The following WDR33 variants were observed in gnomAD, a reference collection of about 807,000 sequenced individuals.
The protein encoded by WDR33 is pre-mRNA 3' end processing protein WDR33.
A neutral mutation model predicts 164.9 loss-of-function variants in WDR33; 47 were observed. That is an observed-to-expected ratio of 0.29 (90% CI 0.23 to 0.36). The LOEUF is 0.36. Ranked by LOEUF, WDR33 falls within the 10% of genes least tolerant of loss-of-function variation. WDR33 has a pLI of 1.00. For missense variants in WDR33, 1,137 were observed against 1,754.1 expected (o/e 0.65, Z 6.28); for synonymous variants, 505 against 589.0 (o/e 0.86, Z 2.06).
At chr2:127,796,207 G>C (rs1023973192) in intron 1 of WDR33, among the ~76,000 whole-genome samples, 2 of 151,742 alleles carry the variant, frequency 1.3e-5, no homozygotes, top group African/African-American at 4.9e-5. Flanking sequence ...GAGTAGCTGG[G>C]ACTATACAGC....
chr2:127,717,650 T>C lies in WDR33; in HGVS notation c.2761-387A>G, dbSNP rs2105378395. Among the ~76,000 whole-genome samples the C allele has an allele frequency of 6.6e-6, 1 of 152,346 alleles. No individual in the cohort carries two copies. Among genetic ancestry groups the C allele is most frequent in the Middle Eastern group, 3.4e-3 (1 of 294 alleles). ...ATATGAGAAATAAGAGCACAGATTT[T>C]CATCAGGCAACTTCTGAGATCTGAA... On this transcript the variant is annotated intron_variant, in intron 16 of 21. Transcript: ENST00000322313. The surrounding 1 kb of genome is among the most constrained non-coding windows in gnomAD (Gnocchi z 5.6).
At chr2:127,767,498 G>A (rs547585104) in intron 4 of WDR33, among the ~76,000 whole-genome samples, 1 of 152,166 alleles carries the variant, frequency 6.6e-6, no homozygotes, top group East Asian at 1.9e-4. Flanking sequence ...CAGATCACGA[G>A]GTCAAGAGAT....
At chr2:127,734,641 GGT>G (rs1686794789) in intron 7 of WDR33, among the ~76,000 whole-genome samples, 1 of 152,004 alleles carries the variant, frequency 6.6e-6, no homozygotes, top group Non-Finnish European at 1.5e-5. Flanking sequence ...TCCTGTTATT[GGT>G]GCTCAACCTC....
intron 1 of WDR33, among the ~76,000 whole-genome samples, chr2:127,801,700 TG>T (rs1288544676): frequency 6.6e-6 from 1 of 152,076 alleles, no homozygotes; most frequent in Non-Finnish European, 1.5e-5. Context: ...CTAGCCAACA[TG>T]GTGAAATCCC....
Position 127,712,402 on chromosome 2 carries a change from A to AG in WDR33, c.3308+1180_3308+1181insC, listed in dbSNP as rs1273262275. Among the ~76,000 whole-genome samples the AG allele has an allele frequency of 2.1e-5, 3 of 140,992 alleles. No individual in the cohort carries two copies. Among genetic ancestry groups the AG allele is most frequent in the African/African-American group, 7.5e-5 (3 of 40,154 alleles). The allele number at this position is 140,992 out of a possible 152,430, so 92.5% of individuals were successfully genotyped here. A position where few individuals can be genotyped will look rare whatever the true frequency, so the allele number is the denominator to read the frequency against. ...AGAGCAAGACTCCGTCTCAAGAAGA[A>AG]AAAAAAAAAAAAAGAAATGGGATGA... On this transcript the variant is annotated intron_variant, in intron 18 of 21. Transcript: ENST00000322313. This position sits in a 1 kb window ranked among gnomAD's most constrained non-coding sequence, Gnocchi z 4.0.
intron 5 of WDR33, 62 bp downstream of exon 5, chr2:127,765,112 A>C (rs1687784784): frequency 1.9e-6 from 3 of 1,564,518 alleles, no homozygotes; most frequent in Non-Finnish European, 2.6e-6. Context: ...CAATGAAATG[A>C]CTATATCTCA....
Position 127,726,366 on chromosome 2 carries a change from C to T in WDR33, c.851+285G>A, listed in dbSNP as rs1686573158. 6.6e-6 allele frequency among the ~76,000 whole-genome samples: 1 copy of T among 152,138 alleles called. No homozygotes were observed. Among genetic ancestry groups the T allele is most frequent in the Admixed American group, 6.6e-5 (1 of 15,260 alleles). On this transcript the variant is annotated intron_variant, in intron 8 of 21. Coordinates refer to ENST00000322313, the MANE Select transcript of WDR33 (RefSeq NM_018383.5). The surrounding 1 kb of genome is among the most constrained non-coding windows in gnomAD (Gnocchi z 4.8). ...TGCCACAAGGTATTCTGATGACAGG[C>T]AATAGGCTAGAATAGTAACCACCTC...
chr2:127,755,256 C>A (rs1429340103), intron 7 of WDR33, among the ~76,000 whole-genome samples: 1 of 152,162 alleles, frequency 6.6e-6, no homozygotes, highest in African/African-American at 2.4e-5. Flanking sequence ...TTTGAATCAG[C>A]TATAAATTAC....
rs1175087669 is a variant in WDR33 at position 127,788,153 on chromosome 2, G to T, written c.-23-17149C>A. 3.1e-5 allele frequency among the ~76,000 whole-genome samples: 3 copies of T among 98,132 alleles called. No individual in the cohort carries two copies. In the East Asian group the frequency reaches 9.8e-4, roughly 32 times the overall value. 64.4% of individuals were successfully genotyped at this position (98,132 alleles called of 152,430 possible). On this transcript the variant is annotated intron_variant, in intron 1 of 21. Transcript: ENST00000322313. ...TTCCCAGTAGGGGCGGCCGGGCAGA[G>T]GCGCCCCTCACCTCCCAGACGGGGC...
intron 7 of WDR33, chr2:127,762,788 A>G: frequency 4.7e-5 from 56 of 1,198,408 alleles, no homozygotes; most frequent in Non-Finnish European, 5.8e-5. Flanking sequence ...AAAGGAATAC[A>G]GCCCTAAAAG....
Position 127,801,634 on chromosome 2 carries a change from G to T in WDR33, c.-24+9378C>A, listed in dbSNP as rs188334894. Among the ~76,000 whole-genome samples the T allele has an allele frequency of 3.9e-5, 6 of 152,098 alleles. No homozygotes were observed. The East Asian group carries it at 7.7e-4, about 20-fold the overall frequency. On this transcript the variant is annotated intron_variant, in intron 1 of 21. Coordinates refer to ENST00000322313, the MANE Select transcript of WDR33 (RefSeq NM_018383.5). The stretch of plus-strand genomic sequence containing the variant: ...GGTGCAGTGGTTCATGCCTATCTCA[G>T]GACTTTGTGGAGCGGAGGCATGTGC...
chr2:127,713,023 C>T lies in WDR33; in HGVS notation c.3308+560G>A, dbSNP rs190199662. Among the ~76,000 whole-genome samples, 549 of 152,326 alleles carry T rather than the reference C, an allele frequency of 3.6e-3. 5 individuals carry two copies. Among genetic ancestry groups the T allele is most frequent in the African/African-American group, 0.012 (509 of 41,568 alleles). ...CCTCCTGCCTCAGCCACCCAAAGTG[C>T]TGGGATTACAGGCGTGAGCCACTGG... On this transcript the variant is annotated intron_variant, in intron 18 of 21. Transcript: ENST00000322313. This position sits in a 1 kb window ranked among gnomAD's most constrained non-coding sequence, Gnocchi z 6.2.
chr2:127,782,226 G>GAA (rs1688397273), intron 1 of WDR33, among the ~76,000 whole-genome samples: 1 of 151,984 alleles, frequency 6.6e-6, no homozygotes, highest in African/African-American at 2.4e-5. Context: ...GACCAACATG[G>GAA]TGACACCCTG....
chr2:127,793,988 A>C (rs1427712107), intron 1 of WDR33, among the ~76,000 whole-genome samples: 1 of 152,136 alleles, frequency 6.6e-6, no homozygotes, highest in Non-Finnish European at 1.5e-5. Flanking sequence ...ACAAAAAATT[A>C]GCCAGGAGTG....
chr2:127,712,400 GAAA>G lies in WDR33; in HGVS notation c.3308+1180_3308+1182del, dbSNP rs202140924. Among the ~76,000 whole-genome samples, 1 of 104,976 alleles carries G rather than the reference GAAA, an allele frequency of 9.5e-6. No individual in the cohort carries two copies. The highest frequency in any genetic ancestry group is 3.5e-5 in the African/African-American group (1 of 28,790). The allele number at this position is 104,976 out of a possible 152,430, so 68.9% of individuals were successfully genotyped here. On this transcript the variant is annotated intron_variant, in intron 18 of 21. Coordinates refer to ENST00000322313, the MANE Select transcript of WDR33 (RefSeq NM_018383.5). The surrounding 1 kb of genome is among the most constrained non-coding windows in gnomAD (Gnocchi z 4.0). ...ACAGAGCAAGACTCCGTCTCAAGAA[GAAA>G]AAAAAAAAAAAAGAAATGGGATGAA...
At chr2:127,707,486 T>C (rs971415072) in intron 21 of WDR33, among the ~76,000 whole-genome samples, 2 of 152,206 alleles carry the variant, frequency 1.3e-5, no homozygotes, top group East Asian at 1.9e-4. Flanking sequence ...CTGAGGCACC[T>C]GGGCAGAGTG....
intron 7 of WDR33, among the ~76,000 whole-genome samples, chr2:127,751,805 T>A (rs1225643196): frequency 6.6e-6 from 1 of 152,186 alleles, no homozygotes; most frequent in Admixed American, 6.5e-5. Context: ...CTTAAAATGC[T>A]CTTTTTATTC....
Position 127,788,136 on chromosome 2 carries a change from AG to A in WDR33, c.-23-17133del, listed in dbSNP as rs1688668549. Among the ~76,000 whole-genome samples, 3 of 78,192 alleles carry A rather than the reference AG, an allele frequency of 3.8e-5. No homozygotes were observed. In the East Asian group the frequency reaches 1.4e-3, roughly 36 times the overall value. 51.3% of individuals were successfully genotyped at this position (78,192 alleles called of 152,430 possible). On this transcript the variant is annotated intron_variant, in intron 1 of 21. Coordinates refer to ENST00000322313, the MANE Select transcript of WDR33 (RefSeq NM_018383.5). ...GCTGAGGGGCTCCTCACTTCCCAGTAGGGGCGGCCGGGCAGAGGCGCCCCTC... is the reference window on the plus strand; with the variant it reads ...GCTGAGGGGCTCCTCACTTCCCAGTAGGGCGGCCGGGCAGAGGCGCCCCTC...
Position 127,723,388 on chromosome 2 carries a change from T to C in WDR33, c.1197-41A>G. On this transcript the variant is annotated intron_variant, in intron 11 of 21. Transcript: ENST00000322313. This position sits in a 1 kb window ranked among gnomAD's most constrained non-coding sequence, Gnocchi z 5.9. ...AAGGAGAAAAGAAGCATGGCTTCAC[T>C]ATTTTTTTGGGCACTAAACAGTACT... 6.3e-7 allele frequency: 1 copy of C among 1,576,556 alleles called. No individual in the cohort carries two copies. The highest frequency in any genetic ancestry group is 8.7e-7 in the Non-Finnish European group (1 of 1,149,074).
Sources: allele counts gnomAD v4.1 joint callset (sites outside exome capture counted in the v4.1 genomes callset), GRCh38; gene constraint gnomAD v4.1.1; non-coding constraint Gnocchi (gnomAD v3.1); transcripts MANE v1.5; gene names NCBI Gene and HGNC (gene_info 2026-07-23, HGNC 2026-07-21).